Variants in SNTG2 observed in about 807,000 individuals in gnomAD.
SNTG2 encodes the protein gamma-2-syntrophin.
A neutral mutation model predicts 70.9 loss-of-function variants in SNTG2; 74 were observed. That is an observed-to-expected ratio of 1.04 (90% CI 0.86 to 1.27). The LOEUF (loss-of-function observed/expected upper bound fraction) is 1.27. SNTG2 is among the 50% of genes most tolerant of loss of function. The pLI is 0.00. For missense variants in SNTG2, 717 were observed against 690.7 expected, an observed-to-expected ratio of 1.04 and a Z score of -0.43; for synonymous variants, 278 against 273.8, an observed-to-expected ratio of 1.02 and a Z score of -0.15.
intron 14 of SNTG2, among the ~76,000 whole-genome samples, chr2:1,285,694 T>C (rs1679735704): frequency 6.6e-6 from 1 of 152,234 alleles, no homozygotes; most frequent in South Asian, 2.1e-4. Flanking sequence ...TTTCTGCATC[T>C]GGTCACATGG....
At chr2:1,362,783 C>T (rs2148322345) in intron 16 of SNTG2, among the ~76,000 whole-genome samples, 1 of 151,958 alleles carries the variant, frequency 6.6e-6, no homozygotes, top group South Asian at 2.1e-4. Flanking sequence ...CGACGCTGAG[C>T]ATTTCAATAG....
chr2:1,335,366 T>G (rs1659767341), intron 16 of SNTG2, among the ~76,000 whole-genome samples: 1 of 152,156 alleles, frequency 6.6e-6, no homozygotes, highest in African/African-American at 2.4e-5. Context: ...GCCTGAGCCG[T>G]CAGCAGCCAA....
intron 1 of SNTG2, among the ~76,000 whole-genome samples, chr2:977,118 TCTC>T (rs1370262598): frequency 6.6e-6 from 1 of 152,186 alleles, no homozygotes; most frequent in Non-Finnish European, 1.5e-5. Flanking sequence ...CGCAGGTTCT[TCTC>T]TGAAGAAAAG....
intron 8 of SNTG2, among the ~76,000 whole-genome samples, chr2:1,196,955 A>G (rs1672946390): frequency 6.6e-6 from 1 of 152,190 alleles, no homozygotes; most frequent in Non-Finnish European, 1.5e-5. Flanking sequence ...TCATTGGTAG[A>G]GCAGACAAGT....
intron 9 of SNTG2, among the ~76,000 whole-genome samples, chr2:1,220,855 G>A (rs1339575341): frequency 6.6e-6 from 1 of 152,146 alleles, no homozygotes; most frequent in Non-Finnish European, 1.5e-5. Context: ...CCCAGCCCTG[G>A]GCCGCCCCCT....
chr2:975,274 C>T (rs151242403), intron 1 of SNTG2, among the ~76,000 whole-genome samples: 2,146 of 152,342 alleles, frequency 0.014, 32 homozygotes, highest in Middle Eastern at 0.037. Flanking sequence ...CATGAGCAAA[C>T]ACCACACGCT....
At position 1,304,728 on chromosome 2, in the gene SNTG2, C is replaced by A. The variant is rs1463100837; in HGVS notation, c.1285-3766C>A. The stretch of plus-strand genomic sequence containing the variant: ...GCAATAAGAGCGAAACTCTCTCTCT[C>A]AAAAAAAAAAAAAAAGATGGTTTTA... On this transcript the variant is annotated intron_variant, in intron 14 of 16. Coordinates refer to ENST00000308624, the MANE Select transcript of SNTG2 (RefSeq NM_018968.4). Among the ~76,000 whole-genome samples the A allele has an allele frequency of 1.9e-3, 265 of 140,778 alleles. 2 individuals are homozygous for A. Among genetic ancestry groups the A allele is most frequent in the African/African-American group, 6.1e-3 (235 of 38,396 alleles). 92.4% of individuals were successfully genotyped at this position (140,778 alleles called of 152,430 possible). A position where few individuals can be genotyped will look rare whatever the true frequency, so the allele number is the denominator to read the frequency against.
At chr2:1,328,877 GCACACGCATA>G (rs905796895) in intron 16 of SNTG2, among the ~76,000 whole-genome samples, 12 of 150,632 alleles carry the variant, frequency 8.0e-5, no homozygotes, top group African/African-American at 2.9e-4. Context: ...ACATACACAT[GCACACGCATA>G]CACACATGCA....
At chr2:1,072,332 C>CT (rs1242829771) in intron 1 of SNTG2, among the ~76,000 whole-genome samples, 32 of 100,376 alleles carry the variant, frequency 3.2e-4, no homozygotes, top group African/African-American at 3.8e-4. Context: ...TTTTCTTTTT[C>CT]TTTTCTTTTT....
At chr2:968,398 A>G (rs1660637495) in intron 1 of SNTG2, among the ~76,000 whole-genome samples, 1 of 152,112 alleles carries the variant, frequency 6.6e-6, no homozygotes, top group African/African-American at 2.4e-5. Flanking sequence ...CTCCCAGTTA[A>G]TTATCAATTT....
intron 9 of SNTG2, among the ~76,000 whole-genome samples, chr2:1,229,454 C>T (rs946147425): frequency 1.8e-4 from 28 of 152,200 alleles, no homozygotes; most frequent in African/African-American, 6.8e-4. Flanking sequence ...ATACAGAGTG[C>T]CGATTGGTGT....
rs1313484881 is a variant in SNTG2, at chr2:1,221,693, G to T, written c.719+12463G>T. ...CCGGTCTCGGTCTCTCTCTCTCTCG[G>T]TTCTTCTCGGTCTCTGTCTCTGTCT... On this transcript the variant is annotated intron_variant, in intron 9 of 16. Coordinates refer to ENST00000308624, the MANE Select transcript of SNTG2 (RefSeq NM_018968.4). Among the ~76,000 whole-genome samples the T allele has an allele frequency of 1.4e-3, 4 of 2,898 alleles. 2 individuals carry two copies. The highest frequency in any genetic ancestry group is 0.012 in the African/African-American group (4 of 324). The allele number at this position is 2,898 out of a possible 152,430, so 1.9% of individuals were successfully genotyped here.
chr2:1,322,274 A>T (rs1172958476), intron 16 of SNTG2, among the ~76,000 whole-genome samples: 1 of 152,228 alleles, frequency 6.6e-6, no homozygotes, highest in Non-Finnish European at 1.5e-5. Flanking sequence ...CAGCAGGGGC[A>T]AGTCAGAATG....
At chr2:980,938 C>T (rs1468688544) in intron 1 of SNTG2, among the ~76,000 whole-genome samples, 2 of 152,148 alleles carry the variant, frequency 1.3e-5, no homozygotes, top group African/African-American at 4.8e-5. Context: ...GCCCAATTAC[C>T]TAGCCCTATT....
intron 1 of SNTG2, among the ~76,000 whole-genome samples, chr2:1,051,323 C>A (rs2148079149): frequency 6.6e-6 from 1 of 152,252 alleles, no homozygotes; most frequent in African/African-American, 2.4e-5. Flanking sequence ...AATTTTCAAG[C>A]TTTACGCTGA....
At chr2:1,148,578 G>C (rs997785804) in intron 6 of SNTG2, among the ~76,000 whole-genome samples, 1 of 152,202 alleles carries the variant, frequency 6.6e-6, no homozygotes, top group Non-Finnish European at 1.5e-5. Context: ...CTACTGACCT[G>C]TGTGTTACTG....
rs58579024 is a variant in SNTG2, at chr2:1,162,071, CAAAAA to C, written c.412-3459_412-3455del. Among the ~76,000 whole-genome samples, 348 of 89,774 alleles carry C rather than the reference CAAAAA, an allele frequency of 3.9e-3. 3 individuals carry two copies. Among genetic ancestry groups the C allele is most frequent in the African/African-American group, 0.014 (333 of 23,070 alleles). 58.9% of individuals were successfully genotyped at this position (89,774 alleles called of 152,430 possible). ...CCTGGGCGACAGTGAGACTCCGTCTCAAAAAAAAAAAAAAAAAAAAAAGTGCTTGT... is the reference window on the plus strand; with the variant it reads ...CCTGGGCGACAGTGAGACTCCGTCTCAAAAAAAAAAAAAAAAAGTGCTTGT... On this transcript the variant is annotated intron_variant, in intron 6 of 16. Coordinates refer to ENST00000308624, the MANE Select transcript of SNTG2 (RefSeq NM_018968.4).
chr2:1,286,732 A>G (rs1679780725), intron 14 of SNTG2, among the ~76,000 whole-genome samples: 1 of 152,120 alleles, frequency 6.6e-6, no homozygotes, highest in South Asian at 2.1e-4. Context: ...CTGGCAGATC[A>G]CCCCGAGGAA....
chr2:1,274,797 G>C (rs1191812612), intron 14 of SNTG2, among the ~76,000 whole-genome samples: 2 of 152,318 alleles, frequency 1.3e-5, no homozygotes, highest in South Asian at 4.1e-4. Context: ...GAATCGGCCT[G>C]GCTGCTGGGC....
Sources: gnomAD v4.1 joint callset for allele counts (sites outside exome capture counted in the v4.1 genomes callset) on GRCh38, gnomAD v4.1.1 for gene constraint, MANE v1.5 for transcripts, NCBI Gene and HGNC (gene_info 2026-07-23, HGNC 2026-07-21) for gene names.